The following DOCK8 variants were observed in gnomAD, a reference collection of about 807,000 sequenced individuals.
DOCK8 encodes the protein dedicator of cytokinesis 8, also known as dedicator of cytokinesis protein 8.
DOCK8 carries 141 observed loss-of-function variants against 245.6 expected under a neutral mutation model. That is an observed-to-expected ratio of 0.57 (90% CI 0.50 to 0.66). The LOEUF (loss-of-function observed/expected upper bound fraction) is 0.66. Among genes scored for constraint, DOCK8 ranks in the 30% least tolerant of loss-of-function variants. DOCK8 has a pLI of 0.00. For missense variants in DOCK8, 2,965 were observed against 2,603.4 expected (o/e 1.14, Z -3.02); for synonymous variants, 1,168 against 970.2 (o/e 1.20, Z -3.79).
chr9:453,852 T>C (rs1325238092), intron 46 of DOCK8, among the ~76,000 whole-genome samples: 2 of 152,224 alleles, frequency 1.3e-5, no homozygotes, highest in African/African-American at 4.8e-5. Context: ...AAATTCATTA[T>C]GGTTGAATGC....
chr9:399,920 A>T (rs1276454724), intron 26 of DOCK8, among the ~76,000 whole-genome samples: 2 of 150,848 alleles, frequency 1.3e-5, no homozygotes, highest in African/African-American at 4.9e-5. Context: ...TGCTACTACT[A>T]CCACCAGCCA....
intron 46 of DOCK8, chr9:460,251 G>C (rs2057763360): frequency 6.6e-6 from 1 of 152,188 alleles, no homozygotes. Flanking sequence ...CTCAGTCAAG[G>C]GCACATGGTG....
At chr9:373,484 A>T (rs2131231324) in intron 18 of DOCK8, among the ~76,000 whole-genome samples, 1 of 152,300 alleles carries the variant, frequency 6.6e-6, no homozygotes, top group African/African-American at 2.4e-5. Flanking sequence ...CTTGCTTTTT[A>T]AAATTGGTAT....
intron 46 of DOCK8, chr9:452,370 A>T (rs1228974349): frequency 2.2e-5 from 6 of 270,112 alleles, no homozygotes; most frequent in African/African-American, 1.1e-4. Flanking sequence ...ACTACTAATG[A>T]GTAACTAACA....
chr9:231,277 C>G (rs2131373427), intron 1 of DOCK8, among the ~76,000 whole-genome samples: 1 of 152,178 alleles, frequency 6.6e-6, no homozygotes, highest in South Asian at 2.1e-4. Flanking sequence ...GTTTTGGTAC[C>G]AGTACCATGC....
At chr9:439,683 C>A (rs1284340718) in intron 40 of DOCK8, among the ~76,000 whole-genome samples, 1 of 152,102 alleles carries the variant, frequency 6.6e-6, no homozygotes, top group East Asian at 1.9e-4. Flanking sequence ...TGGAACTAAG[C>A]CACAGAGAGG....
At chr9:278,245 C>T (rs191065598) in intron 2 of DOCK8, among the ~76,000 whole-genome samples, 2 of 152,226 alleles carry the variant, frequency 1.3e-5, no homozygotes, top group African/African-American at 4.8e-5. Context: ...GCATCTCCCT[C>T]TTAGTGGCAT....
intron 33 of DOCK8, among the ~76,000 whole-genome samples, chr9:425,360 G>A (rs1340796974): frequency 2.6e-5 from 4 of 151,930 alleles, no homozygotes; most frequent in Admixed American, 1.3e-4. Context: ...GCGAAACCCC[G>A]TCTCTACTAA....
At chr9:258,805 C>A (rs1186230026) in intron 1 of DOCK8, among the ~76,000 whole-genome samples, 2 of 151,876 alleles carry the variant, frequency 1.3e-5, no homozygotes, top group African/African-American at 4.8e-5. Flanking sequence ...ACCACGTTGG[C>A]CAGGCTGGTC....
At chr9:271,785 G>A (rs2048171728) in intron 2 of DOCK8, 56 bp downstream of exon 2, 1 of 1,228,138 alleles carries the variant, frequency 8.1e-7, no homozygotes. Context: ...AGTGCCCAGG[G>A]TATGTGTTTG....
At chr9:304,302 C>T (rs2049705184) in intron 4 of DOCK8, among the ~76,000 whole-genome samples, 2 of 152,134 alleles carry the variant, frequency 1.3e-5, no homozygotes, top group South Asian at 2.1e-4. Context: ...GAGCCAAATG[C>T]CCCACAGCTG....
chr9:425,480 C>T lies in DOCK8; in HGVS notation c.4242-1405C>T, dbSNP rs536018097. ...CCGGGAAGTGGAGCTTGCGGTGAGCCAAGATTGCGCCACTGCACTCTGCAC... is the reference window on the plus strand; with the variant it reads ...CCGGGAAGTGGAGCTTGCGGTGAGCTAAGATTGCGCCACTGCACTCTGCAC... On this transcript the variant is annotated intron_variant, in intron 33 of 47. Transcript: ENST00000432829. 6.4e-5 allele frequency among the ~76,000 whole-genome samples: 9 copies of T among 140,108 alleles called. No individual in the cohort carries two copies. In the East Asian group the frequency reaches 1.2e-3, roughly 19 times the overall value. 91.9% of individuals were successfully genotyped at this position (140,108 alleles called of 152,430 possible).
At chr9:226,104 A>G (rs2046983612) in intron 1 of DOCK8, among the ~76,000 whole-genome samples, 1 of 152,260 alleles carries the variant, frequency 6.6e-6, no homozygotes. Context: ...TAATTTATAA[A>G]GAAAAAAAGG....
At chr9:358,475 GGA>G (rs1412652881) in intron 14 of DOCK8, among the ~76,000 whole-genome samples, 1 of 152,208 alleles carries the variant, frequency 6.6e-6, no homozygotes, top group African/African-American at 2.4e-5. Flanking sequence ...AGGAAAATAA[GGA>G]GAGAGAAATA....
At chr9:445,825 T>C (rs143904418) in intron 43 of DOCK8, among the ~76,000 whole-genome samples, 10 of 152,374 alleles carry the variant, frequency 6.6e-5, no homozygotes, top group African/African-American at 2.4e-4. Flanking sequence ...TGTACACACA[T>C]AGGAGTGGGG....
intron 40 of DOCK8, 35 bp from the exon 41 acceptor site, chr9:441,251 T>G: frequency 6.2e-7 from 1 of 1,613,908 alleles, no homozygotes; most frequent in Non-Finnish European, 8.5e-7. Context: ...TCCAGTGGAT[T>G]AAATTCTCTC....
chr9:384,492 T>G (rs1417941048), intron 22 of DOCK8, among the ~76,000 whole-genome samples: 1 of 152,224 alleles, frequency 6.6e-6, no homozygotes, highest in East Asian at 1.9e-4. Flanking sequence ...GGTTTGGGGC[T>G]GGGCGCCAAT....
chr9:400,157 C>CCACCTCCACCAT lies in DOCK8; in HGVS notation c.3234+902_3234+903insTCCACCATCACC, dbSNP rs1271072270. On this transcript the variant is annotated intron_variant, in intron 26 of 47. Transcript: ENST00000432829. ...ATCACCACCACCTCCACCATCACCA[C>CCACCTCCACCAT]CACCACCACCTCCACCATCACCACC... Among the ~76,000 whole-genome samples, 128 of 45,718 alleles carry CCACCTCCACCAT rather than the reference C, an allele frequency of 2.8e-3. 16 individuals carry two copies. The highest frequency in any genetic ancestry group is 0.014 in the East Asian group (17 of 1,222). 30.0% of individuals were successfully genotyped at this position (45,718 alleles called of 152,430 possible). A position where few individuals can be genotyped will look rare whatever the true frequency, so the allele number is the denominator to read the frequency against.
chr9:298,254 G>A (rs2049353257), intron 4 of DOCK8, among the ~76,000 whole-genome samples: 1 of 151,992 alleles, frequency 6.6e-6, no homozygotes, highest in South Asian at 2.1e-4. Context: ...GCAAAACCCC[G>A]TCTCTACTAA....
Sources: gnomAD v4.1 joint callset for allele counts (sites outside exome capture counted in the v4.1 genomes callset) on GRCh38, gnomAD v4.1.1 for gene constraint, MANE v1.5 for transcripts, NCBI Gene and HGNC (gene_info 2026-07-23, HGNC 2026-07-21) for gene names.